KCNN2: variants seen among roughly 807,000 people sequenced by gnomAD.
KCNN2 encodes the protein potassium calcium-activated channel subfamily N member 2.
In KCNN2, 24 loss-of-function variants were observed where a neutral mutation model predicts 55.5. The observed-to-expected ratio is 0.43, with a 90% CI of 0.31 to 0.61. KCNN2 has a LOEUF of 0.61. Ranked by LOEUF, KCNN2 falls within the 20% of genes least tolerant of loss-of-function variation. KCNN2 has a pLI of 0.08. For missense variants in KCNN2, 754 were observed against 853.6 expected, an observed-to-expected ratio of 0.88 and a Z score of 1.45; for synonymous variants, 431 against 336.1, an observed-to-expected ratio of 1.28 and a Z score of -3.09.
rs567725619 is a variant in KCNN2, at chr5:114,441,130, C to A, written c.1638-21919C>A. Among the ~76,000 whole-genome samples the A allele has an allele frequency of 6.6e-5, 10 of 152,172 alleles. No homozygotes were observed. In the South Asian group the frequency reaches 2.1e-3, roughly 32 times the overall value. ...ACATAATGTAAACTGCAATTCACTG[C>A]AAAGTTGTAATAATTCTAAACTTGT... is the stretch of plus-strand genomic sequence containing the variant. On this transcript the variant is annotated intron_variant, in intron 3 of 7. Transcript: ENST00000673685.
At chr5:114,313,006 C>A (rs985171030) in intron 2 of KCNN2, among the ~76,000 whole-genome samples, 1 of 152,096 alleles carries the variant, frequency 6.6e-6, no homozygotes, top group African/African-American at 2.4e-5. Flanking sequence ...CCCTGCCTCT[C>A]TGGAACCTTG....
chr5:114,463,407 G>T lies in KCNN2; in HGVS notation c.1779+217G>T, dbSNP rs377454257. On this transcript the variant is annotated intron_variant, in intron 4 of 7. Transcript: ENST00000673685. ...GTTGAAGAGGTAGAGCTGTTTGATT[G>T]CCCCTTGTGGGGCATGCACTAATTT... 2.0e-5 allele frequency among the ~76,000 whole-genome samples: 3 copies of T among 152,300 alleles called. No homozygotes were observed. In the East Asian group the frequency reaches 5.8e-4, roughly 29 times the overall value.
intron 3 of KCNN2, among the ~76,000 whole-genome samples, chr5:114,450,873 C>A (rs1561391650): frequency 6.6e-6 from 1 of 152,164 alleles, no homozygotes; most frequent in Non-Finnish European, 1.5e-5. Context: ...TTACATATAA[C>A]AAAAACCTGT....
At chr5:114,137,502 T>G (rs1172628367) in intron 1 of KCNN2, among the ~76,000 whole-genome samples, 1 of 152,106 alleles carries the variant, frequency 6.6e-6, no homozygotes, top group East Asian at 1.9e-4. Flanking sequence ...ACACTATCAT[T>G]TGTGAGAAAG....
chr5:114,436,962 GA>G (rs1193116176), intron 3 of KCNN2, among the ~76,000 whole-genome samples: 1 of 152,102 alleles, frequency 6.6e-6, no homozygotes, highest in East Asian at 1.9e-4. Flanking sequence ...CTTTGAGCTA[GA>G]GGCTACCATA....
intron 2 of KCNN2, 59 bp downstream of exon 2, chr5:114,364,060 C>T (rs146799704): frequency 1.6e-3 from 1,996 of 1,278,034 alleles, no homozygotes; most frequent in Non-Finnish European, 2.1e-3. Flanking sequence ...CCTAGAGAAA[C>T]GCAAGGCAGC....
At chr5:114,281,841 G>T (rs34922122) in intron 2 of KCNN2, among the ~76,000 whole-genome samples, 1,777 of 152,014 alleles carry the variant, frequency 0.012, 38 homozygotes, top group Admixed American at 0.06. Context: ...TATGGTCAAG[G>T]TTGTAATTCT....
rs186819921 is a variant in KCNN2, at chr5:114,395,648, G to A, written c.1219-8790G>A. On this transcript the variant is annotated intron_variant, in intron 2 of 7. Coordinates refer to ENST00000673685, the MANE Select transcript of KCNN2 (RefSeq NM_021614.4). ...TTTTCATACTTGACAATGAATGAGTGTTGAATACCTGTGATGTTGAGAATG... is the reference window on the plus strand; with the variant it reads ...TTTTCATACTTGACAATGAATGAGTATTGAATACCTGTGATGTTGAGAATG... 2.2e-3 allele frequency among the ~76,000 whole-genome samples: 333 copies of A among 152,306 alleles called. 2 individuals carry two copies. Among genetic ancestry groups the A allele is most frequent in the African/African-American group, 7.7e-3 (322 of 41,570 alleles).
chr5:114,073,185 T>C (rs777750479), intron 1 of KCNN2, among the ~76,000 whole-genome samples: 4 of 152,218 alleles, frequency 2.6e-5, no homozygotes, highest in Non-Finnish European at 5.9e-5. Context: ...TTGGTCTCAC[T>C]GGAATATTCC....
intron 1 of KCNN2, among the ~76,000 whole-genome samples, chr5:114,215,558 C>G (rs1753984655): frequency 6.6e-6 from 1 of 152,082 alleles, no homozygotes; most frequent in South Asian, 2.1e-4. Flanking sequence ...ATCAATAAAT[C>G]AGGGTAGAAC....
At chr5:114,237,290 A>T (rs558963456) in intron 2 of KCNN2, among the ~76,000 whole-genome samples, 51 of 140,122 alleles carry the variant, frequency 3.6e-4, no homozygotes, top group African/African-American at 9.9e-4. Flanking sequence ...ACACACACAC[A>T]CTCACACACA....
chr5:114,064,045 C>T (rs1750387505), intron 1 of KCNN2, among the ~76,000 whole-genome samples: 1 of 152,168 alleles, frequency 6.6e-6, no homozygotes, highest in Non-Finnish European at 1.5e-5. Flanking sequence ...TTGGAATCAC[C>T]TGGAGAGCTT....
chr5:114,410,307 G>A (rs1176106384), intron 3 of KCNN2, among the ~76,000 whole-genome samples: 2 of 152,178 alleles, frequency 1.3e-5, no homozygotes, highest in Non-Finnish European at 2.9e-5. Flanking sequence ...CCCAAAGTGT[G>A]TTTTACTGGG....
intron 1 of KCNN2, among the ~76,000 whole-genome samples, chr5:114,124,827 A>AC (rs1469305712): frequency 2.0e-5 from 3 of 152,188 alleles, no homozygotes; most frequent in African/African-American, 7.2e-5. Flanking sequence ...AAATTGGTAT[A>AC]CACCTCCAAT....
In KCNN2 at chr5:114,281,401, G is replaced by C. The variant is rs549960711; in HGVS notation, c.-185+59836G>C. On this transcript the variant is annotated intron_variant, in intron 2 of 10. Coordinates refer to the KCNN2 transcript ENST00000512097. ...CTTAAATTGGCATTTTAAAGACTGA[G>C]AAATCTGGCAATTATATTAAATTTT... is the stretch of plus-strand genomic sequence containing the variant. Among the ~76,000 whole-genome samples, 5 of 152,236 alleles carry C rather than the reference G, an allele frequency of 3.3e-5. No individual in the cohort carries two copies. In the South Asian group the frequency reaches 8.3e-4, roughly 25 times the overall value.
At chr5:114,422,129 T>G (rs1461677542) in intron 3 of KCNN2, among the ~76,000 whole-genome samples, 1 of 152,210 alleles carries the variant, frequency 6.6e-6, no homozygotes, top group South Asian at 2.1e-4. Flanking sequence ...TGTGAGTTAA[T>G]CAGAAAGCGA....
chr5:114,426,801 C>G (rs1047384525), intron 3 of KCNN2, among the ~76,000 whole-genome samples: 1 of 152,120 alleles, frequency 6.6e-6, no homozygotes, highest in African/African-American at 2.4e-5. Context: ...CCGGACTGCT[C>G]ATAGTATATT....
intron 2 of KCNN2, among the ~76,000 whole-genome samples, chr5:114,238,964 C>G (rs1013978765): frequency 3.9e-5 from 6 of 152,264 alleles, no homozygotes; most frequent in Admixed American, 2.0e-4. Context: ...TGTTCTACAT[C>G]TCATCTCCTG....
At chr5:114,171,979 T>C (rs1197832952) in intron 1 of KCNN2, among the ~76,000 whole-genome samples, 1 of 151,902 alleles carries the variant, frequency 6.6e-6, no homozygotes, top group Non-Finnish European at 1.5e-5. Flanking sequence ...GATAAAGCAG[T>C]GAAGATGAAA....
Sources: allele counts gnomAD v4.1 joint callset (sites outside exome capture counted in the v4.1 genomes callset), GRCh38; gene constraint gnomAD v4.1.1; transcripts MANE v1.5; gene names NCBI Gene and HGNC (gene_info 2026-07-23, HGNC 2026-07-21).